The following SHANK2 variants were observed in gnomAD, a reference collection of about 807,000 sequenced individuals.
SHANK2 encodes SH3 and multiple ankyrin repeat domains 2.
In SHANK2, 43 loss-of-function variants were observed where a neutral mutation model predicts 133.7. The ratio of observed to expected loss-of-function variants is 0.32; its 90% confidence interval spans 0.25 to 0.41. The LOEUF (loss-of-function observed/expected upper bound fraction) is 0.41. Among genes scored for constraint, SHANK2 ranks in the 10% least tolerant of loss-of-function variants. SHANK2 has a pLI of 1.00. For missense variants in SHANK2, 1,994 were observed against 2,235.8 expected (o/e 0.89, Z 2.18); for synonymous variants, 1,017 against 952.8 (o/e 1.07, Z -1.24).
intron 15 of SHANK2, among the ~76,000 whole-genome samples, chr11:70,687,485 G>T (rs2134421449): frequency 6.6e-6 from 1 of 152,262 alleles, no homozygotes; most frequent in African/African-American, 2.4e-5. Context: ...CACGTTGGCA[G>T]CTCGGAATGG....
intron 3 of SHANK2, among the ~76,000 whole-genome samples, chr11:71,142,703 C>T (rs181812917): frequency 1.2e-4 from 18 of 148,610 alleles, no homozygotes; most frequent in African/African-American, 4.2e-4. Context: ...ATGAAAATGT[C>T]CTTAAACAGA....
intron 14 of SHANK2, among the ~76,000 whole-genome samples, chr11:70,795,407 C>CTTTTTTTTTTTTT (rs71049944): frequency 7.8e-6 from 1 of 128,458 alleles, no homozygotes; most frequent in African/African-American, 2.9e-5. Flanking sequence ...CTTTCTTTTT[C>CTTTTTTTTTTTTT]TTTTTTTTTT....
At chr11:70,916,421 T>C (rs1360842143) in intron 10 of SHANK2, among the ~76,000 whole-genome samples, 1 of 151,962 alleles carries the variant, frequency 6.6e-6, no homozygotes, top group Non-Finnish European at 1.5e-5. Flanking sequence ...TACAGAAAGC[T>C]CTTGGCACTT....
intron 8 of SHANK2, among the ~76,000 whole-genome samples, chr11:71,086,581 T>G (rs1305409778): frequency 2.0e-4 from 30 of 146,924 alleles, no homozygotes; most frequent in African/African-American, 7.6e-4. Flanking sequence ...AGACTTGGAG[T>G]TAAGCAGATG....
chr11:71,197,697 C>T (rs1321876628), intron 2 of SHANK2, among the ~76,000 whole-genome samples: 1 of 152,212 alleles, frequency 6.6e-6, no homozygotes, highest in Non-Finnish European at 1.5e-5. Flanking sequence ...GTCGCCCAGG[C>T]TGGAGTGCAG....
At chr11:71,163,216 A>C (rs187152725) in intron 2 of SHANK2, among the ~76,000 whole-genome samples, 2,513 of 144,720 alleles carry the variant, frequency 0.017, 29 homozygotes, top group Non-Finnish European at 0.019. Context: ...TGTGTTTATA[A>C]TGTTTGTTTA....
At position 70,804,248 on chromosome 11, in the gene SHANK2, G is replaced by T. The variant is rs559843618; in HGVS notation, c.1663+2754C>A. On this transcript the variant is annotated intron_variant, in intron 13 of 25. Transcript: ENST00000601538. The surrounding 1 kb of genome is among the most constrained non-coding windows in gnomAD (Gnocchi z 4.1). ...GCCTTGGCTCTGCAGGCAGTGGATCGGCTCGACCCGCCCGCCTCTAAGCAC... is the reference window on the plus strand; with the variant it reads ...GCCTTGGCTCTGCAGGCAGTGGATCTGCTCGACCCGCCCGCCTCTAAGCAC... 6.6e-6 allele frequency among the ~76,000 whole-genome samples: 1 copy of T among 152,062 alleles called. No individual in the cohort carries two copies. Among genetic ancestry groups the T allele is most frequent in the Non-Finnish European group, 1.5e-5 (1 of 67,964 alleles).
chr11:70,697,525 T>C (rs1427893126), intron 15 of SHANK2, among the ~76,000 whole-genome samples: 2 of 152,200 alleles, frequency 1.3e-5, no homozygotes, highest in Non-Finnish European at 2.9e-5. Flanking sequence ...ACAAAATGTT[T>C]TGGAAGCAGA....
intron 17 of SHANK2, among the ~76,000 whole-genome samples, chr11:70,547,538 C>T (rs1310649970): frequency 6.6e-6 from 1 of 152,128 alleles, no homozygotes; most frequent in African/African-American, 2.4e-5. Context: ...AGGGATTACA[C>T]GCATGAGCCA....
At chr11:70,725,037 C>T (rs1555030264) in intron 14 of SHANK2, among the ~76,000 whole-genome samples, 1 of 152,112 alleles carries the variant, frequency 6.6e-6, no homozygotes, top group African/African-American at 2.4e-5. Context: ...TAAGCTTTCA[C>T]AGGTAAGAAA....
chr11:70,753,484 C>A (rs2134914294), intron 14 of SHANK2, among the ~76,000 whole-genome samples: 1 of 152,044 alleles, frequency 6.6e-6, no homozygotes, highest in South Asian at 2.1e-4. Context: ...AAGCAAATAA[C>A]AAAATAAGGA....
chr11:70,723,460 G>A (rs4980548), intron 14 of SHANK2, among the ~76,000 whole-genome samples: 63,468 of 151,858 alleles, frequency 0.42, 13,324 homozygotes, highest in African/African-American at 0.43. Flanking sequence ...AAAATACAAG[G>A]AACTGAATTT....
At chr11:70,841,116 AC>A in intron 11 of SHANK2, among the ~76,000 whole-genome samples, 2 of 152,228 alleles carry the variant, frequency 1.3e-5, no homozygotes, top group South Asian at 4.1e-4. Flanking sequence ...TACAAAAAAA[AC>A]AAAATTAGCC....
At chr11:71,090,087 ACG>A (rs1491556733) in intron 8 of SHANK2, among the ~76,000 whole-genome samples, 7 of 88,072 alleles carry the variant, frequency 7.9e-5, no homozygotes, top group Admixed American at 6.0e-4. Context: ...GAGACACAGA[ACG>A]TGTGTGTGTG....
chr11:70,575,118 T>C (rs1591599619), intron 17 of SHANK2, among the ~76,000 whole-genome samples: 1 of 152,102 alleles, frequency 6.6e-6, no homozygotes, highest in Middle Eastern at 3.4e-3. Flanking sequence ...CTGCTCTGGG[T>C]GGGGACAAGG....
At position 71,144,088 on chromosome 11, in the gene SHANK2, G is replaced by A. The variant is rs58093994; in HGVS notation, c.207+3032C>T. ...AAAGGCAAATGATGGCAGTGACCCC[G>A]GCAAGAGAGACAGAGTGGCTCCGGG... On this transcript the variant is annotated intron_variant, in intron 3 of 25. Coordinates refer to ENST00000601538, the MANE Select transcript of SHANK2 (RefSeq NM_012309.5). 6.9e-4 allele frequency among the ~76,000 whole-genome samples: 105 copies of A among 152,138 alleles called. 1 individual carries two copies. The East Asian group carries it at 0.011, about 16-fold the overall frequency.
At chr11:71,210,049 A>G (rs1329726343) in intron 2 of SHANK2, among the ~76,000 whole-genome samples, 1 of 151,100 alleles carries the variant, frequency 6.6e-6, no homozygotes, top group African/African-American at 2.4e-5. Flanking sequence ...CGTGACCCCA[A>G]AATGTGAAGA....
chr11:70,678,532 C>CTTTTTT lies in SHANK2; in HGVS notation c.1854-16860_1854-16855dup, dbSNP rs34446408. ...TCATTTCCAGTCTGCTAAGAACAGG[C>CTTTTTT]TTTTTTTTTTTTTTTTTTTTTTTGA... On this transcript the variant is annotated intron_variant, in intron 15 of 25. Transcript: ENST00000601538. Among the ~76,000 whole-genome samples the CTTTTTT allele has an allele frequency of 3.5e-3, 269 of 77,074 alleles. 20 individuals are homozygous for CTTTTTT. The highest frequency in any genetic ancestry group is 0.011 in the African/African-American group (219 of 20,340). The allele number at this position is 77,074 out of a possible 152,430, so 50.6% of individuals were successfully genotyped here.
intron 4 of SHANK2, among the ~76,000 whole-genome samples, chr11:71,115,740 G>A (rs992896265): frequency 6.6e-6 from 1 of 152,144 alleles, no homozygotes; most frequent in Non-Finnish European, 1.5e-5. Flanking sequence ...AGATGTAGAG[G>A]AGACTCCCAA....
Sources: allele counts gnomAD v4.1 joint callset (sites outside exome capture counted in the v4.1 genomes callset), GRCh38; gene constraint gnomAD v4.1.1; non-coding constraint Gnocchi (gnomAD v3.1); transcripts MANE v1.5; gene names NCBI Gene and HGNC (gene_info 2026-07-23, HGNC 2026-07-21).